EFCAB5: variants seen among roughly 807,000 people sequenced by gnomAD.
EFCAB5 encodes EF-hand calcium binding domain 5, also known as EF-hand calcium-binding domain-containing protein 5.
A neutral mutation model predicts 167.9 loss-of-function variants in EFCAB5; 131 were observed. The ratio of observed to expected loss-of-function variants is 0.78; its 90% CI spans 0.68 to 0.90. EFCAB5 has a LOEUF of 0.90. Among genes scored for constraint, EFCAB5 ranks in the 40% least tolerant of loss-of-function variants. The pLI is 0.00. For missense variants in EFCAB5, 1,663 were observed against 1,745.2 expected (o/e 0.95, Z 0.84); for synonymous variants, 574 against 602.8 (o/e 0.95, Z 0.70).
At chr17:30,102,728 T>C (rs550270597) in intron 22 of EFCAB5, among the ~76,000 whole-genome samples, 4 of 152,278 alleles carry the variant, frequency 2.6e-5, no homozygotes, top group African/African-American at 9.6e-5. Context: ...TTTAAAAAAC[T>C]GTCTCTGGGG....
At chr17:30,045,196 G>A (rs578100241) in intron 8 of EFCAB5, among the ~76,000 whole-genome samples, 2 of 152,196 alleles carry the variant, frequency 1.3e-5, no homozygotes, top group African/African-American at 2.4e-5. Flanking sequence ...GGTGGTTCAC[G>A]CCTGTAATCC....
At chr17:29,975,056 T>C (rs966617489) in intron 4 of EFCAB5, among the ~76,000 whole-genome samples, 3 of 150,074 alleles carry the variant, frequency 2.0e-5, no homozygotes, top group African/African-American at 7.4e-5. Flanking sequence ...ATAAATAAAA[T>C]AATAAAATTT....
intron 18 of EFCAB5, 74 bp from the exon 19 acceptor site, chr17:30,086,989 T>G: frequency 7.5e-7 from 1 of 1,336,760 alleles, no homozygotes; most frequent in Admixed American, 2.0e-5. Flanking sequence ...TTTTTTCTAT[T>G]TATCTGTCCC....
rs989279090 is a variant in EFCAB5, at chr17:29,975,047, T to A, written c.767+5680T>A. 2.0e-5 allele frequency among the ~76,000 whole-genome samples: 3 copies of A among 151,560 alleles called. No individual in the cohort carries two copies. In the East Asian group the frequency reaches 5.8e-4, roughly 29 times the overall value. On this transcript the variant is annotated intron_variant, in intron 4 of 22. Transcript: ENST00000394835. ...TCTCTAAAATAAATAAATAAATAAA[T>A]AAATAAAATAATAAAATTTTAAAAT...
intron 5 of EFCAB5, among the ~76,000 whole-genome samples, chr17:29,993,675 A>T (rs575678767): frequency 6.6e-6 from 1 of 152,224 alleles, no homozygotes; most frequent in African/African-American, 2.4e-5. Context: ...GAACAACTGT[A>T]CTCTGAGAGT....
intron 3 of EFCAB5, among the ~76,000 whole-genome samples, chr17:29,967,443 T>C (rs1042339949): frequency 3.3e-5 from 5 of 152,230 alleles, no homozygotes; most frequent in African/African-American, 4.8e-5. Context: ...GGAATTAAGA[T>C]ACACAAAAAG....
At chr17:29,987,036 G>A (rs989935932) in intron 4 of EFCAB5, among the ~76,000 whole-genome samples, 8 of 152,134 alleles carry the variant, frequency 5.3e-5, no homozygotes, top group Non-Finnish European at 8.8e-5. Context: ...TGCCAGCCAA[G>A]ATTGATAAAT....
At chr17:30,091,446 C>G (rs1428339119) in intron 20 of EFCAB5, among the ~76,000 whole-genome samples, 1 of 152,140 alleles carries the variant, frequency 6.6e-6, no homozygotes, top group Non-Finnish European at 1.5e-5. Context: ...TTTCATGTCT[C>G]CTAAGTGTTC....
At chr17:30,077,287 G>A (rs1451883488) in intron 14 of EFCAB5, among the ~76,000 whole-genome samples, 1 of 152,254 alleles carries the variant, frequency 6.6e-6, no homozygotes, top group East Asian at 1.9e-4. Context: ...GGGCTACAGA[G>A]CTAGACTCAG....
intron 4 of EFCAB5, among the ~76,000 whole-genome samples, chr17:29,980,877 T>G (rs1460334247): frequency 1.3e-5 from 2 of 152,250 alleles, no homozygotes; most frequent in African/African-American, 2.4e-5. Context: ...GTCATTGTCC[T>G]CAAGCCAAAA....
chr17:30,061,025 G>C (rs866029257), intron 14 of EFCAB5, among the ~76,000 whole-genome samples: 1 of 152,174 alleles, frequency 6.6e-6, no homozygotes, highest in Non-Finnish European at 1.5e-5. Context: ...TATATTAGAT[G>C]ATATGGAATC....
chr17:30,065,721 G>C (rs1036406943), intron 14 of EFCAB5: 1 of 151,988 alleles, frequency 6.6e-6, no homozygotes, highest in African/African-American at 2.4e-5. Flanking sequence ...GAAGAAACTC[G>C]GTTCACCAGT....
intron 7 of EFCAB5, among the ~76,000 whole-genome samples, chr17:30,017,197 A>G (rs2069066029): frequency 6.6e-6 from 1 of 151,988 alleles, no homozygotes. Context: ...AAAAAAATCA[A>G]TCCAAAAACC....
chr17:30,067,173 A>G (rs1231817926), intron 14 of EFCAB5, among the ~76,000 whole-genome samples: 1 of 152,230 alleles, frequency 6.6e-6, no homozygotes, highest in Non-Finnish European at 1.5e-5. Flanking sequence ...GGCCAGCATT[A>G]TGCTAATACT....
At chr17:30,058,214 TGA>T (rs2070329782) in intron 13 of EFCAB5, among the ~76,000 whole-genome samples, 1 of 152,166 alleles carries the variant, frequency 6.6e-6, no homozygotes, top group East Asian at 1.9e-4. Flanking sequence ...TGCCTGTGTG[TGA>T]GTGTCTTTAC....
intron 9 of EFCAB5, 117 bp downstream of exon 9, chr17:30,051,334 C>A: frequency 1.3e-6 from 1 of 763,668 alleles, no homozygotes; most frequent in Non-Finnish European, 2.1e-6. Flanking sequence ...GGAATCCCTT[C>A]ACATAATAGC....
At chr17:30,003,163 A>G (rs1165731873) in intron 7 of EFCAB5, among the ~76,000 whole-genome samples, 2 of 149,300 alleles carry the variant, frequency 1.3e-5, no homozygotes, top group African/African-American at 2.5e-5. Context: ...GTTCAAGTCC[A>G]TTGATTCCTT....
rs1176138786 is a variant in EFCAB5 at position 29,999,908 on chromosome 17, T to A, written c.976T>A (p.Ser326Thr). 1 of 1,579,470 alleles carries A rather than the reference T, an allele frequency of 6.3e-7. No individual in the cohort carries two copies. Among genetic ancestry groups the A allele is most frequent in the African/African-American group, 1.3e-5 (1 of 74,408 alleles). The change falls in exon 7 of 23, where the codon TCA (serine) becomes ACA (threonine). Residue 326 changes from serine (S) to threonine (T), a missense_variant and splice_region_variant. Coordinates refer to ENST00000394835, the MANE Select transcript of EFCAB5 (RefSeq NM_198529.4). Reference sequence around the variant, plus strand: ...AATAATCTTCATTCCATAAATAGGATCACACTGCAAACAACTGGATATTAC... The same window carrying A: ...AATAATCTTCATTCCATAAATAGGAACACACTGCAAACAACTGGATATTAC... ...FFQNPDFKLG[S>T]HCKQLDITDS... is the part of the protein sequence containing the mutation.
chr17:30,080,237 A>G lies in EFCAB5; in HGVS notation c.3193A>G (p.Ile1065Val). 1.9e-6 allele frequency: 3 copies of G among 1,580,848 alleles called. No individual in the cohort carries two copies. Among genetic ancestry groups the G allele is most frequent in the Non-Finnish European group, 2.6e-6 (3 of 1,169,666 alleles). ...AGTGCTCTACAGGGACATGAAAGGA[A>G]TCAGGTAAGAACTTCTTGAAGAGAT... Reference protein sequence around the residue: ...NRVLYRDMKGISFTVVDEGKP... With the variant: ...NRVLYRDMKGVSFTVVDEGKP... Residue 1065 changes from isoleucine to valine, a missense_variant, in exon 16 of 23, where the codon ATC (isoleucine) becomes GTC (valine). Coordinates refer to ENST00000394835, the MANE Select transcript of EFCAB5 (RefSeq NM_198529.4).
Sources: allele counts gnomAD v4.1 joint callset (sites outside exome capture counted in the v4.1 genomes callset), GRCh38; gene constraint gnomAD v4.1.1; transcripts MANE v1.5; gene names NCBI Gene and HGNC (gene_info 2026-07-23, HGNC 2026-07-21).